The following HSP90AA1 variants were observed in gnomAD, a reference collection of about 807,000 sequenced individuals.
HSP90AA1 encodes the protein heat shock protein 90 alpha family class A member 1.
A neutral mutation model predicts 73.3 loss-of-function variants in HSP90AA1; 18 were observed. The ratio of observed to expected loss-of-function variants is 0.25; its 90% confidence interval spans 0.17 to 0.36. The LOEUF (loss-of-function observed/expected upper bound fraction) is 0.36, where lower values mean the gene tolerates loss of function less well. Among genes scored for constraint, HSP90AA1 ranks in the 10% least tolerant of loss-of-function variants. The pLI, the probability that HSP90AA1 is intolerant of heterozygous loss-of-function variation, is 1.00. For missense variants in HSP90AA1, 704 were observed against 874.2 expected (o/e 0.81, Z 2.45); for synonymous variants, 477 against 296.9 (o/e 1.61, Z -6.24).
intron 1 of HSP90AA1, among the ~76,000 whole-genome samples, chr14:102,136,233 A>G (rs200823839): frequency 6.6e-6 from 1 of 152,230 alleles, no homozygotes; most frequent in East Asian, 1.9e-4. Flanking sequence ...TGAAATGAAA[A>G]AATAATTCAT....
intron 1 of HSP90AA1, among the ~76,000 whole-genome samples, chr14:102,132,972 A>G (rs1429842043): frequency 2.1e-5 from 3 of 145,408 alleles, no homozygotes; most frequent in Non-Finnish European, 4.5e-5. Context: ...AAAAAAAAAT[A>G]AAAAAGGGAG....
chr14:102,119,675 G>C (rs1466176962), intron 1 of HSP90AA1, among the ~76,000 whole-genome samples: 2 of 152,126 alleles, frequency 1.3e-5, no homozygotes, highest in Non-Finnish European at 2.9e-5. Flanking sequence ...TTTCAGTAGA[G>C]ACAGGGTTTC....
intron 1 of HSP90AA1, among the ~76,000 whole-genome samples, chr14:102,119,786 C>T (rs1482740018): frequency 6.6e-6 from 1 of 152,122 alleles, no homozygotes; most frequent in Non-Finnish European, 1.5e-5. Flanking sequence ...CACACCCGGC[C>T]GTTTTCCTCT....
intron 1 of HSP90AA1, chr14:102,139,180 A>G: frequency 6.4e-7 from 1 of 1,563,050 alleles, no homozygotes. Flanking sequence ...ATGCTGTACC[A>G]CATTCTTCTC....
In HSP90AA1 at chr14:102,082,099, T is replaced by C. The variant is rs1323715050; in HGVS notation, c.2089+12A>G. On this transcript the variant is annotated intron_variant, in intron 10 of 10. Coordinates refer to ENST00000216281, the MANE Select transcript of HSP90AA1 (RefSeq NM_005348.4). ...TTATTTTCTTTTTAACATTACATAG[T>C]ATAAGGCTTACCCAGACCAAGTTTG... 14 of 1,552,654 alleles carry C rather than the reference T, an allele frequency of 9.0e-6. No individual in the cohort carries two copies. The highest frequency in any genetic ancestry group is 3.3e-5 in the Admixed American group (2 of 59,746).
At chr14:102,113,756 G>T (rs563280669) in intron 1 of HSP90AA1, among the ~76,000 whole-genome samples, 1 of 151,808 alleles carries the variant, frequency 6.6e-6, no homozygotes, top group Admixed American at 6.6e-5. Flanking sequence ...TGTCGCCCAG[G>T]CTGGAGTACA....
In HSP90AA1 at chr14:102,083,340, G is replaced by T. The variant is rs768130113; in HGVS notation, c.1487-38C>A. On this transcript the variant is annotated intron_variant, in intron 8 of 10. Transcript: ENST00000216281. ...AAAGTTACTTTTAGACCTTTTAACA[G>T]TTAAGAATGGTTTCATCTAGCTCTG... 2.5e-6 allele frequency: 4 copies of T among 1,607,858 alleles called. No individual in the cohort carries two copies. In the Admixed American group the frequency reaches 6.7e-5, roughly 27 times the overall value.
chr14:102,083,243 A>G lies in HSP90AA1; in HGVS notation c.1546T>C (p.Leu516=), dbSNP rs769459325. 2 of 1,614,022 alleles carry G rather than the reference A, an allele frequency of 1.2e-6. No homozygotes were observed. Among genetic ancestry groups the G allele is most frequent in the African/African-American group, 1.3e-5 (1 of 74,922 alleles). Residue 516 remains leucine (L), a synonymous_variant, in exon 9 of 11, where the codon TTA becomes CTA. Transcript: ENST00000216281. Reference sequence around the variant, plus strand: ...GGCTCAATCATATAGATCACTTCTAAGCCATGTTTCCGAAGACGTTCCACA... The same window carrying G: ...GGCTCAATCATATAGATCACTTCTAGGCCATGTTTCCGAAGACGTTCCACA... ...AFVERLRKHG[L]EVIYMIEPID...
rs3993378 is a variant in HSP90AA1, at chr14:102,115,294, A to AAAACAAACAAAC, written c.156-13221_156-13210dup. Among the ~76,000 whole-genome samples, 13 of 149,206 alleles carry AAAACAAACAAAC rather than the reference A, an allele frequency of 8.7e-5. No individual in the cohort carries two copies. The East Asian group carries it at 2.4e-3, about 28-fold the overall frequency. ...GTGACAGAGCAAGATTCCATCTCAT[A>AAAACAAACAAAC]AAACAAACAAACAAACAAACAAACA... On this transcript the variant is annotated intron_variant, in intron 1 of 11. Coordinates refer to the HSP90AA1 transcript ENST00000334701.
intron 1 of HSP90AA1, among the ~76,000 whole-genome samples, chr14:102,138,394 A>G (rs1422654315): frequency 6.6e-6 from 1 of 152,248 alleles, no homozygotes; most frequent in African/African-American, 2.4e-5. Context: ...ACGACAGAAC[A>G]TACCCTGGTG....
intron 2 of HSP90AA1, among the ~76,000 whole-genome samples, chr14:102,097,448 A>T (rs2049439702): frequency 1.3e-5 from 2 of 151,902 alleles, no homozygotes; most frequent in Admixed American, 6.6e-5. Flanking sequence ...TTACGACTAT[A>T]GGGTGGTGGG....
rs934947820 is a variant in HSP90AA1 at position 102,086,997 on chromosome 14, G to C, written c.-12C>G. On this transcript the variant is annotated 5_prime_UTR_variant, in exon 1 of 11. Transcript: ENST00000216281. Reference sequence around the variant, plus strand: ...CAACCACCCGTCACCTTGGCTAAGTGACCGCACAGGACCAACGGCACAGCC... The same window carrying C: ...CAACCACCCGTCACCTTGGCTAAGTCACCGCACAGGACCAACGGCACAGCC... 2.0e-6 allele frequency: 2 copies of C among 984,906 alleles called. No individual in the cohort carries two copies. The highest frequency in any genetic ancestry group is 3.5e-5 in the African/African-American group (2 of 57,078). The allele number at this position is 984,906 out of a possible 1,614,324, so 61.0% of individuals were successfully genotyped here.
intron 1 of HSP90AA1, among the ~76,000 whole-genome samples, chr14:102,116,276 GGA>G (rs1378734360): frequency 1.3e-5 from 2 of 152,184 alleles, no homozygotes; most frequent in Non-Finnish European, 2.9e-5. Context: ...TTTTAATGGT[GGA>G]GAGAGTTGTG....
chr14:102,083,520 A>G (rs780617313), intron 8 of HSP90AA1, 26 bp downstream of exon 8: 4 of 1,608,902 alleles, frequency 2.5e-6, no homozygotes, highest in South Asian at 2.2e-5. Flanking sequence ...AACGACGTGT[A>G]TGACTGTAAC....
At chr14:102,136,452 C>T (rs1483862423) in intron 1 of HSP90AA1, among the ~76,000 whole-genome samples, 1 of 151,286 alleles carries the variant, frequency 6.6e-6, no homozygotes, top group Non-Finnish European at 1.5e-5. Context: ...GCCTGTAGTC[C>T]CAGCTACTCG....
At chr14:102,087,171 C>T (rs1231869926), upstream of HSP90AA1, 26 of 982,994 alleles carry the variant, frequency 2.6e-5, no homozygotes, top group Non-Finnish European at 2.9e-5. Context: ...CGCGCCTACG[C>T]ATGCGCCGTT....
At chr14:102,100,797 C>G (rs948181996) in intron 2 of HSP90AA1, among the ~76,000 whole-genome samples, 3 of 152,200 alleles carry the variant, frequency 2.0e-5, no homozygotes, top group Admixed American at 6.5e-5. Flanking sequence ...GTTTAAATCC[C>G]TGCTCTGCTA....
intron 1 of HSP90AA1, among the ~76,000 whole-genome samples, chr14:102,130,520 C>T (rs538290396): frequency 1.3e-5 from 2 of 152,250 alleles, no homozygotes; most frequent in South Asian, 4.1e-4. Context: ...TTTTAATTTG[C>T]ATTTCCCTGA....
At chr14:102,089,876 C>G (rs1325043929), upstream of HSP90AA1, among the ~76,000 whole-genome samples, 1 of 152,196 alleles carries the variant, frequency 6.6e-6, no homozygotes, top group African/African-American at 2.4e-5. Flanking sequence ...ACACAACCGT[C>G]AGCTCACCTG....
Sources: allele counts gnomAD v4.1 joint callset (sites outside exome capture counted in the v4.1 genomes callset), GRCh38; gene constraint gnomAD v4.1.1; transcripts MANE v1.5; gene names NCBI Gene and HGNC (gene_info 2026-07-23, HGNC 2026-07-21).